The following MALRD1 variants were observed in gnomAD, a reference collection of about 807,000 sequenced individuals.
The protein encoded by MALRD1 is MAM and LDL receptor class A domain containing 1, also known as MAM and LDL-receptor class A domain-containing protein 1.
Under a neutral mutation model 242.1 loss-of-function variants are expected in MALRD1, and 247 were observed. The observed-to-expected ratio is 1.02, with a 90% CI of 0.92 to 1.13. The LOEUF (loss-of-function observed/expected upper bound fraction) is 1.13. Among genes scored for constraint, MALRD1 ranks in the 50% most tolerant of loss-of-function variants. The pLI is 0.00. For missense variants in MALRD1, 2,989 were observed against 2,533.1 expected (o/e 1.18, Z -3.86); for synonymous variants, 995 against 866.6 (o/e 1.15, Z -2.60).
intron 31 of MALRD1, among the ~76,000 whole-genome samples, chr10:19,522,015 T>C (rs1156687313): frequency 6.6e-6 from 1 of 152,148 alleles, no homozygotes; most frequent in Non-Finnish European, 1.5e-5. Context: ...TTCTGGGCTA[T>C]TGTAGATAAG....
At chr10:19,447,203 C>T (rs1165655985) in intron 28 of MALRD1, among the ~76,000 whole-genome samples, 1 of 152,068 alleles carries the variant, frequency 6.6e-6, no homozygotes, top group African/African-American at 2.4e-5. Flanking sequence ...CATGTCTTTT[C>T]ACCTTTTTGT....
At chr10:19,706,912 G>T (rs1267069904) in intron 38 of MALRD1, among the ~76,000 whole-genome samples, 1 of 152,070 alleles carries the variant, frequency 6.6e-6, no homozygotes, top group African/African-American at 2.4e-5. Context: ...ATTCCACCTG[G>T]CTACTTGGAG....
intron 11 of MALRD1, among the ~76,000 whole-genome samples, chr10:19,151,310 C>A (rs1432162800): frequency 2.0e-5 from 3 of 151,852 alleles, no homozygotes; most frequent in Non-Finnish European, 4.4e-5. Flanking sequence ...TTTTGTGTTA[C>A]TTTTAAAGAA....
At chr10:19,341,664 G>A (rs1389558068) in intron 24 of MALRD1, among the ~76,000 whole-genome samples, 6 of 151,650 alleles carry the variant, frequency 4.0e-5, no homozygotes, top group African/African-American at 9.7e-5. Flanking sequence ...GCTTGCAGTC[G>A]TGGCTTATAA....
At chr10:19,141,360 G>A (rs1280437696) in intron 10 of MALRD1, among the ~76,000 whole-genome samples, 1 of 152,146 alleles carries the variant, frequency 6.6e-6, no homozygotes, top group Non-Finnish European at 1.5e-5. Flanking sequence ...TAGTAAAACG[G>A]TGGTTCCCAG....
rs773882857 is a variant in MALRD1 at position 19,437,552 on chromosome 10, T to C, written c.4846-12755T>C. Among the ~76,000 whole-genome samples, 57 of 152,122 alleles carry C rather than the reference T, an allele frequency of 3.7e-4. 1 individual carries two copies. The highest frequency in any genetic ancestry group is 1.5e-3 in the Admixed American group (23 of 15,252). On this transcript the variant is annotated intron_variant, in intron 28 of 39. Coordinates refer to ENST00000454679, the MANE Select transcript of MALRD1 (RefSeq NM_001142308.3). ...TGTTTCTCCTCAATCTGTTTCTCTCTGGAACTCACCTTTGGATCTAGATTT... is the reference window on the plus strand; with the variant it reads ...TGTTTCTCCTCAATCTGTTTCTCTCCGGAACTCACCTTTGGATCTAGATTT...
At chr10:19,452,193 C>G (rs1468988102) in intron 29 of MALRD1, among the ~76,000 whole-genome samples, 2 of 152,182 alleles carry the variant, frequency 1.3e-5, no homozygotes, top group African/African-American at 4.8e-5. Context: ...TTCCTTTCCT[C>G]TCAAGGGAAG....
intron 26 of MALRD1, among the ~76,000 whole-genome samples, chr10:19,360,824 TGTTAA>T (rs1314869396): frequency 1.3e-5 from 2 of 152,138 alleles, no homozygotes; most frequent in Non-Finnish European, 2.9e-5. Flanking sequence ...ATAGTAATAA[TGTTAA>T]GTTGCATATT....
chr10:19,052,638 T>A (rs545875293), intron 1 of MALRD1, among the ~76,000 whole-genome samples: 8 of 151,938 alleles, frequency 5.3e-5, no homozygotes, highest in Admixed American at 5.2e-4. Flanking sequence ...CTTGATAGAG[T>A]AGATGTGAAG....
intron 17 of MALRD1, among the ~76,000 whole-genome samples, chr10:19,205,910 A>AT (rs200271233): frequency 0.56 from 81,688 of 145,704 alleles, 23,023 homozygotes; most frequent in South Asian, 0.75. Context: ...AGTTAATAGG[A>AT]TTTTTTTTTT....
chr10:19,305,885 AATATATATT>A (rs1389409937), intron 21 of MALRD1, among the ~76,000 whole-genome samples: 3 of 130,606 alleles, frequency 2.3e-5, no homozygotes, highest in East Asian at 4.2e-4. Flanking sequence ...TAATATATAT[AATATATATT>A]ATATATACTA....
At chr10:19,655,527 A>ACT (rs1841105671) in intron 36 of MALRD1, among the ~76,000 whole-genome samples, 1 of 81,250 alleles carries the variant, frequency 1.2e-5, no homozygotes, top group African/African-American at 4.2e-5. Flanking sequence ...TATATGTGTG[A>ACT]GTGTATATAT....
At chr10:19,595,996 T>G (rs2131560501) in intron 34 of MALRD1, among the ~76,000 whole-genome samples, 1 of 152,312 alleles carries the variant, frequency 6.6e-6, no homozygotes, top group Non-Finnish European at 1.5e-5. Context: ...TCCCTGTTAC[T>G]TACTATGTGT....
rs80180848 is a variant in MALRD1, at chr10:19,154,769, T to A, written c.1559-306T>A. 8.3e-4 allele frequency among the ~76,000 whole-genome samples: 126 copies of A among 152,292 alleles called. No homozygotes were observed. In the East Asian group the frequency reaches 0.022, roughly 27 times the overall value. On this transcript the variant is annotated intron_variant, in intron 11 of 39. Transcript: ENST00000454679. The stretch of plus-strand genomic sequence containing the variant: ...CATAAGGGCCTGTTGAATATCTAAT[T>A]GTCAGCTTAGAAGCTTCATTTAATT...
At chr10:19,718,835 G>T (rs186626612) in intron 38 of MALRD1, among the ~76,000 whole-genome samples, 1 of 151,854 alleles carries the variant, frequency 6.6e-6, no homozygotes, top group Admixed American at 6.6e-5. Context: ...CCTAAAGACT[G>T]ACTCCAGTAA....
At chr10:19,705,804 T>TGA (rs71388859) in intron 38 of MALRD1, among the ~76,000 whole-genome samples, 3 of 102,900 alleles carry the variant, frequency 2.9e-5, no homozygotes, top group African/African-American at 4.8e-5. Context: ...CCTGCAATAG[T>TGA]AAAAAAAAAA....
chr10:19,664,802 A>G (rs1841604313), intron 36 of MALRD1, among the ~76,000 whole-genome samples: 1 of 152,116 alleles, frequency 6.6e-6, no homozygotes, highest in Non-Finnish European at 1.5e-5. Flanking sequence ...TACCTTTAAA[A>G]GTGGGATCAT....
intron 13 of MALRD1, among the ~76,000 whole-genome samples, chr10:19,171,622 ATGTG>A (rs1480617858): frequency 1.6e-5 from 2 of 125,716 alleles, no homozygotes; most frequent in African/African-American, 5.4e-5. Context: ...ATATATGTCT[ATGTG>A]TGTATATAAA....
chr10:19,061,373 C>T (rs577288278), intron 1 of MALRD1, among the ~76,000 whole-genome samples: 1 of 152,232 alleles, frequency 6.6e-6, no homozygotes, highest in African/African-American at 2.4e-5. Flanking sequence ...TCTACAGATT[C>T]AGTGCAATCT....
Sources: allele counts gnomAD v4.1 joint callset (sites outside exome capture counted in the v4.1 genomes callset), GRCh38; gene constraint gnomAD v4.1.1; transcripts MANE v1.5; gene names NCBI Gene and HGNC (gene_info 2026-07-23, HGNC 2026-07-21).